Variants in DET1 observed in about 807,000 individuals in gnomAD.
The protein encoded by DET1 is DET1 homolog.
Under a neutral mutation model 43.7 loss-of-function variants are expected in DET1, and 22 were observed. The ratio of observed to expected loss-of-function variants is 0.50; its 90% CI spans 0.36 to 0.72. The LOEUF (loss-of-function observed/expected upper bound fraction) is 0.72, where lower values mean the gene tolerates loss of function less well. DET1 is among the 30% of genes least tolerant of loss of function. DET1 has a pLI of 0.00. For missense variants in DET1, 713 were observed against 713.3 expected, an observed-to-expected ratio of 1.00 and a Z score of 0.00; for synonymous variants, 315 against 266.2, an observed-to-expected ratio of 1.18 and a Z score of -1.79.
intron 2 of DET1, among the ~76,000 whole-genome samples, chr15:88,528,481 T>C (rs954550979): frequency 2.0e-5 from 3 of 152,260 alleles, no homozygotes; most frequent in Non-Finnish European, 4.4e-5. Context: ...AGAGCATTTG[T>C]AAAACACATT....
chr15:88,505,473 T>A (rs1264108971), intron 7 of DET1: 4 of 152,234 alleles, frequency 2.6e-5, no homozygotes, highest in Non-Finnish European at 5.9e-5. Flanking sequence ...CCTTTCTGAG[T>A]ATAAAACCAC....
Position 88,531,950 on chromosome 15 carries a change from G to C in DET1, c.-10-235C>G, listed in dbSNP as rs1360000997. 2.1e-6 allele frequency: 1 copy of C among 483,446 alleles called. No homozygotes were observed. Among genetic ancestry groups the C allele is most frequent in the African/African-American group, 2.0e-5 (1 of 51,078 alleles). 29.9% of individuals were successfully genotyped at this position (483,446 alleles called of 1,614,324 possible). ...TTCACTAGGAATACCTTCCAAGTAT[G>C]CTCAGCTGTTGGGAAAGTTCAACAG... On this transcript the variant is annotated intron_variant, in intron 1 of 4. Coordinates refer to ENST00000268148, the MANE Select transcript of DET1 (RefSeq NM_001144074.3). The surrounding 1 kb of genome is among the most constrained non-coding windows in gnomAD (Gnocchi z 6.2).
intron 3 of DET1, among the ~76,000 whole-genome samples, chr15:88,524,824 G>C (rs892364537): frequency 1.3e-5 from 2 of 151,984 alleles, no homozygotes; most frequent in Admixed American, 1.3e-4. Flanking sequence ...AAGGCCACAG[G>C]GTCCTCTGCC....
chr15:88,517,846 T>C (rs1042234263), intron 3 of DET1, among the ~76,000 whole-genome samples: 6 of 152,220 alleles, frequency 3.9e-5, no homozygotes, highest in African/African-American at 1.2e-4. Flanking sequence ...TCTAGAAGAA[T>C]AGTAACATAC....
chr15:88,534,703 A>G (rs2056902835), intron 1 of DET1, among the ~76,000 whole-genome samples: 1 of 152,224 alleles, frequency 6.6e-6, no homozygotes, highest in Non-Finnish European at 1.5e-5. Flanking sequence ...TGTCACATAC[A>G]TGGGACAGAT....
chr15:88,522,512 G>GTTTTTTTTTTTTTTTTTTTTTTTTTTTT lies in DET1; in HGVS notation c.1271+5086_1271+5087insAAAAAAAAAAAAAAAAAAAAAAAAAAAA, dbSNP rs55764530. ...TCTCATTGTTCTAGGAATGTTCCTGGTTTTTTTTTTTTTTTGAGTTGGAGT... is the reference window on the plus strand; with the variant it reads ...TCTCATTGTTCTAGGAATGTTCCTGGTTTTTTTTTTTTTTTTTTTTTTTTTTTTTTTTTTTTTTTTTTTGAGTTGGAGT... On this transcript the variant is annotated intron_variant, in intron 3 of 4. Transcript: ENST00000268148. Among the ~76,000 whole-genome samples, 18 of 80,296 alleles carry GTTTTTTTTTTTTTTTTTTTTTTTTTTTT rather than the reference G, an allele frequency of 2.2e-4. 4 individuals are homozygous for GTTTTTTTTTTTTTTTTTTTTTTTTTTTT. The highest frequency in any genetic ancestry group is 3.4e-4 in the Non-Finnish European group (15 of 43,942). 52.7% of individuals were successfully genotyped at this position (80,296 alleles called of 152,430 possible). A position where few individuals can be genotyped will look rare whatever the true frequency, so the allele number is the denominator to read the frequency against.
intron 8 of DET1, chr15:88,503,638 C>T (rs1259764249): frequency 4.6e-5 from 7 of 152,142 alleles, no homozygotes; most frequent in Non-Finnish European, 8.8e-5. Flanking sequence ...AAAAAGACAC[C>T]TTTATTTATG....
intron 2 of DET1, among the ~76,000 whole-genome samples, chr15:88,529,135 G>A (rs1306747938): frequency 6.6e-6 from 1 of 152,136 alleles, no homozygotes; most frequent in African/African-American, 2.4e-5. Flanking sequence ...TTTTAGCAAA[G>A]AAGAAAAGGA....
intron 1 of DET1, among the ~76,000 whole-genome samples, chr15:88,539,111 CTCTCTT>C (rs1347498119): frequency 4.6e-4 from 70 of 151,880 alleles, no homozygotes; most frequent in African/African-American, 1.6e-3. Flanking sequence ...CTCTCTCTCT[CTCTCTT>C]TCTCTTATTC....
chr15:88,531,059 A>G lies in DET1; in HGVS notation c.647T>C (p.Leu216Ser). 6.2e-7 allele frequency: 1 copy of G among 1,613,922 alleles called. No individual in the cohort carries two copies. Among genetic ancestry groups the G allele is most frequent in the African/African-American group, 1.3e-5 (1 of 75,066 alleles). Residue 216 changes from leucine (L) to serine (S), a missense_variant, in exon 2 of 5, where the codon TTG (leucine) becomes TCG (serine). Physicochemically the swap from Leu to Ser is moderately radical, Grantham distance 145. Coordinates refer to ENST00000268148, the MANE Select transcript of DET1 (RefSeq NM_001144074.3). This position sits in a 1 kb window ranked among gnomAD's most constrained non-coding sequence, Gnocchi z 6.2. Reference sequence around the variant, plus strand: ...CAAGTACAGCCCTTGGTTGTGTGACAAGACCACCTTGTCACACTTGAACGT... The same window carrying G: ...CAAGTACAGCCCTTGGTTGTGTGACGAGACCACCTTGTCACACTTGAACGT... ...TRTFKCDKVV[L>S]SHNQGLYLYK...
intron 3 of DET1, among the ~76,000 whole-genome samples, chr15:88,519,099 A>G (rs1395699340): frequency 1.3e-5 from 2 of 152,122 alleles, no homozygotes; most frequent in African/African-American, 4.8e-5. Context: ...CCTGGCTTTC[A>G]AAGGTAAAAT....
At chr15:88,519,891 T>C (rs180732443) in intron 3 of DET1, among the ~76,000 whole-genome samples, 28 of 152,216 alleles carry the variant, frequency 1.8e-4, no homozygotes, top group African/African-American at 6.0e-4. Flanking sequence ...CCTTCCAGAC[T>C]CCCATGCTCT....
intron 1 of DET1, among the ~76,000 whole-genome samples, chr15:88,539,591 G>A (rs780400958): frequency 3.6e-4 from 55 of 152,068 alleles, no homozygotes; most frequent in Non-Finnish European, 6.8e-4. Context: ...ATGTCAGGAC[G>A]TCGGTATTGC....
At chr15:88,534,373 C>A (rs2056894254) in intron 1 of DET1, among the ~76,000 whole-genome samples, 1 of 152,084 alleles carries the variant, frequency 6.6e-6, no homozygotes, top group Non-Finnish European at 1.5e-5. Flanking sequence ...TGAGAAAAAC[C>A]AATTGGCTAA....
At chr15:88,543,749 G>T (rs770418175) in intron 1 of DET1, among the ~76,000 whole-genome samples, 1 of 152,178 alleles carries the variant, frequency 6.6e-6, no homozygotes, top group Non-Finnish European at 1.5e-5. Context: ...TACACTGACA[G>T]CAGGTACGCC....
chr15:88,507,599 A>G (rs527797705), downstream of DET1, among the ~76,000 whole-genome samples: 81 of 152,330 alleles, frequency 5.3e-4, no homozygotes, highest in African/African-American at 1.9e-3. Context: ...GTCTGCATGG[A>G]ATGTCATGTG....
intron 1 of DET1, among the ~76,000 whole-genome samples, chr15:88,538,447 G>T (rs1383505524): frequency 1.3e-5 from 2 of 150,786 alleles, no homozygotes; most frequent in Non-Finnish European, 2.9e-5. Flanking sequence ...TTAACTTTTT[G>T]ACTACCTAAC....
At chr15:88,524,142 G>A (rs1335639622) in intron 3 of DET1, among the ~76,000 whole-genome samples, 20 of 152,028 alleles carry the variant, frequency 1.3e-4, no homozygotes, top group South Asian at 4.1e-4. Context: ...CGTCGGGGAT[G>A]TAAGGAGCGC....
intron 4 of DET1, among the ~76,000 whole-genome samples, chr15:88,513,590 T>A (rs564510250): frequency 6.6e-6 from 1 of 151,178 alleles, no homozygotes; most frequent in East Asian, 1.9e-4. Context: ...AAATATTATT[T>A]CAACCTATAA....
Sources: gnomAD v4.1 joint callset for allele counts (sites outside exome capture counted in the v4.1 genomes callset) on GRCh38, gnomAD v4.1.1 for gene constraint, Gnocchi (gnomAD v3.1) non-coding constraint, MANE v1.5 for transcripts, NCBI Gene and HGNC (gene_info 2026-07-23, HGNC 2026-07-21) for gene names.